ZNF804B: variants seen among roughly 807,000 people sequenced by gnomAD.
ZNF804B encodes the protein zinc finger protein 804B, also known as zinc finger 804B.
ZNF804B carries 80 observed loss-of-function variants against 101.4 expected under a neutral mutation model. That is an observed-to-expected ratio of 0.79 (90% CI 0.66 to 0.95). The LOEUF is 0.95. Ranked by LOEUF, ZNF804B falls within the 40% of genes least tolerant of loss-of-function variation. The probability of loss-of-function intolerance (pLI) is 0.00; values close to 1 mark genes in which losing one functional copy is unlikely to be tolerated. For synonymous variants in ZNF804B, 622 were observed against 558.8 expected (o/e 1.11, Z -1.59); for missense variants, 1,673 against 1,561.9 (o/e 1.07, Z -1.20).
intron 1 of ZNF804B, among the ~76,000 whole-genome samples, chr7:88,916,542 A>G (rs1312955531): frequency 6.6e-6 from 1 of 152,140 alleles, no homozygotes; most frequent in African/African-American, 2.4e-5. Context: ...GATTGATGAC[A>G]ATTAAGACTT....
At chr7:89,199,876 GTATAT>G (rs1021795623) in intron 1 of ZNF804B, among the ~76,000 whole-genome samples, 16 of 147,328 alleles carry the variant, frequency 1.1e-4, no homozygotes, top group African/African-American at 3.7e-4. Flanking sequence ...TATATATGTA[GTATAT>G]TATATAATAT....
intron 1 of ZNF804B, among the ~76,000 whole-genome samples, chr7:88,805,662 A>G (rs1266041682): frequency 6.6e-6 from 1 of 152,198 alleles, no homozygotes; most frequent in African/African-American, 2.4e-5. Context: ...AGTAGAGCAC[A>G]GTGTTGATGG....
intron 1 of ZNF804B, among the ~76,000 whole-genome samples, chr7:88,873,644 A>T (rs981193611): frequency 2.0e-5 from 3 of 152,082 alleles, no homozygotes; most frequent in Non-Finnish European, 4.4e-5. Flanking sequence ...ATTGATTTTT[A>T]TACAAGGTGT....
intron 1 of ZNF804B, among the ~76,000 whole-genome samples, chr7:89,188,565 C>T (rs1255026214): frequency 3.9e-5 from 6 of 152,186 alleles, no homozygotes; most frequent in South Asian, 4.1e-4. Flanking sequence ...ATGCTGAAAG[C>T]GTGGCCACTT....
chr7:89,286,590 G>A (rs1240749598), intron 2 of ZNF804B, among the ~76,000 whole-genome samples: 1 of 152,150 alleles, frequency 6.6e-6, no homozygotes, highest in African/African-American at 2.4e-5. Context: ...AAATTCAATA[G>A]CTAACAGATA....
At chr7:89,216,754 G>A (rs76586148) in intron 1 of ZNF804B, among the ~76,000 whole-genome samples, 5,456 of 152,178 alleles carry the variant, frequency 0.036, 303 homozygotes, top group African/African-American at 0.12. Flanking sequence ...GAAAATATGC[G>A]TAAATTATTT....
chr7:89,335,509 C>A lies in ZNF804B; in HGVS notation c.2527C>A (p.Pro843Thr), dbSNP rs1791064534. Reference sequence around the variant, plus strand: ...TTCCTGTACTGGAAGCAGTAAAAAACCACCTAATTGCCAGGGAACTCAGCA... The same window carrying A: ...TTCCTGTACTGGAAGCAGTAAAAAAACACCTAATTGCCAGGGAACTCAGCA... ...QISCTGSSKK[P>T]PNCQGTQHDR... is the part of the protein sequence containing the mutation. The change falls in exon 4 of 4, where the codon CCA (proline) becomes ACA (threonine). Residue 843 changes from proline to threonine, a missense_variant. Physicochemically the swap from Pro to Thr is conservative, Grantham distance 38 (BLOSUM62 -1). Transcript: ENST00000333190. 6.2e-7 allele frequency: 1 copy of A among 1,613,954 alleles called. No homozygotes were observed. The highest frequency in any genetic ancestry group is 8.5e-7 in the Non-Finnish European group (1 of 1,179,952).
chr7:89,021,851 T>G (rs1448614667), intron 1 of ZNF804B, among the ~76,000 whole-genome samples: 2 of 152,274 alleles, frequency 1.3e-5, no homozygotes, highest in Admixed American at 6.5e-5. Context: ...GATTGTACCA[T>G]GTTGCAGTGG....
rs147469754 is a variant in ZNF804B, at chr7:89,247,659, A to T, written c.249+29364A>T. On this transcript the variant is annotated intron_variant, in intron 2 of 3. Coordinates refer to ENST00000333190, the MANE Select transcript of ZNF804B (RefSeq NM_181646.5). The stretch of plus-strand genomic sequence containing the variant: ...AAAAATTAGAAGTCCTAGTCTCCAG[A>T]TGACAAGGAACCAGTGCAAAAATTA... Among the ~76,000 whole-genome samples, 693 of 152,294 alleles carry T rather than the reference A, an allele frequency of 4.6e-3. 9 individuals are homozygous for T. Among genetic ancestry groups the T allele is most frequent in the South Asian group, 9.7e-3 (47 of 4,826 alleles).
intron 2 of ZNF804B, among the ~76,000 whole-genome samples, chr7:89,231,564 C>T (rs2115739406): frequency 6.6e-6 from 1 of 152,122 alleles, no homozygotes; most frequent in South Asian, 2.1e-4. Context: ...CATATTGAGT[C>T]TCCCAATTTA....
chr7:89,142,954 T>C (rs1424173217), intron 1 of ZNF804B, among the ~76,000 whole-genome samples: 1 of 151,956 alleles, frequency 6.6e-6, no homozygotes, highest in African/African-American at 2.4e-5. Context: ...TGTAATATAC[T>C]CTCAGAGGGA....
chr7:88,868,286 C>T (rs1791767114), intron 1 of ZNF804B, among the ~76,000 whole-genome samples: 1 of 152,084 alleles, frequency 6.6e-6, no homozygotes, highest in Non-Finnish European at 1.5e-5. Context: ...TCCAGTCCTC[C>T]TTGCTGCTCA....
intron 1 of ZNF804B, among the ~76,000 whole-genome samples, chr7:89,043,982 T>C (rs192266888): frequency 6.6e-6 from 1 of 152,194 alleles, no homozygotes; most frequent in Non-Finnish European, 1.5e-5. Flanking sequence ...TAGAATACTA[T>C]TCACCCATAG....
chr7:89,086,172 C>T (rs1789797815), intron 1 of ZNF804B, among the ~76,000 whole-genome samples: 1 of 151,848 alleles, frequency 6.6e-6, no homozygotes, highest in South Asian at 2.1e-4. Flanking sequence ...AAGCAATAGG[C>T]TTTAACTGCA....
intron 1 of ZNF804B, among the ~76,000 whole-genome samples, chr7:89,116,073 A>T (rs76748879): frequency 1.4e-5 from 2 of 140,788 alleles, no homozygotes; most frequent in African/African-American, 5.5e-5. Flanking sequence ...CCCAGTTATT[A>T]TTTTTTTTTT....
In ZNF804B at chr7:89,267,466, A is replaced by C. The variant is rs948503343; in HGVS notation, c.249+49171A>C. The stretch of plus-strand genomic sequence containing the variant: ...AACATGACTGCATCCATGGGCTCAG[A>C]TGATAACATTTTTTTCTTTCATCTC... On this transcript the variant is annotated intron_variant, in intron 2 of 3. Coordinates refer to ENST00000333190, the MANE Select transcript of ZNF804B (RefSeq NM_181646.5). Among the ~76,000 whole-genome samples, 3 of 152,290 alleles carry C rather than the reference A, an allele frequency of 2.0e-5. No individual in the cohort carries two copies. The East Asian group carries it at 5.8e-4, about 29-fold the overall frequency.
At chr7:88,896,918 C>T (rs957106989) in intron 1 of ZNF804B, among the ~76,000 whole-genome samples, 2 of 152,130 alleles carry the variant, frequency 1.3e-5, no homozygotes, top group African/African-American at 2.4e-5. Context: ...TAATAATGCT[C>T]ATAGTGATAA....
At chr7:88,789,435 G>C (rs1225988624) in intron 1 of ZNF804B, among the ~76,000 whole-genome samples, 1 of 152,068 alleles carries the variant, frequency 6.6e-6, no homozygotes, top group African/African-American at 2.4e-5. Context: ...TTGTTACACT[G>C]TTATACCAGT....
intron 1 of ZNF804B, among the ~76,000 whole-genome samples, chr7:89,186,478 A>T (rs544866158): frequency 2.6e-5 from 4 of 152,276 alleles, no homozygotes; most frequent in African/African-American, 9.6e-5. Context: ...ATTAGCAGAA[A>T]AAAAGGTGAA....
Sources: allele counts gnomAD v4.1 joint callset (sites outside exome capture counted in the v4.1 genomes callset), GRCh38; gene constraint gnomAD v4.1.1; transcripts MANE v1.5; gene names NCBI Gene and HGNC (gene_info 2026-07-23, HGNC 2026-07-21).